Variants in GRM3 observed in about 807,000 individuals in gnomAD.
GRM3 encodes the protein metabotropic glutamate receptor 3.
GRM3 carries 26 observed loss-of-function variants against 70.5 expected under a neutral mutation model. That is an observed-to-expected ratio of 0.37 (90% CI 0.27 to 0.51). The LOEUF is 0.51. GRM3 is among the 20% of genes least tolerant of loss of function. The pLI is 0.93. For missense variants in GRM3, 859 were observed against 1,123.8 expected (o/e 0.76, Z 3.37); for synonymous variants, 443 against 434.9 (o/e 1.02, Z -0.23).
In GRM3 at chr7:86,822,879, G is replaced by A. The variant is rs189941877; in HGVS notation, c.1325-15960G>A. Among the ~76,000 whole-genome samples the A allele has an allele frequency of 8.5e-4, 129 of 152,240 alleles. No homozygotes were observed. In the Middle Eastern group the frequency reaches 0.02, roughly 24 times the overall value. On this transcript the variant is annotated intron_variant, in intron 3 of 5. Coordinates refer to ENST00000361669, the MANE Select transcript of GRM3 (RefSeq NM_000840.3). The stretch of plus-strand genomic sequence containing the variant: ...TAAGAACTAACCCCTATTCAGTAAC[G>A]AAGTTACTGTTTAGCTTTGTTAATC...
At chr7:86,805,758 T>G (rs766556509) in intron 3 of GRM3, among the ~76,000 whole-genome samples, 3 of 152,216 alleles carry the variant, frequency 2.0e-5, no homozygotes, top group Non-Finnish European at 4.4e-5. Flanking sequence ...TTTTTATTAT[T>G]ATGATTATAT....
chr7:86,653,292 G>A (rs992624762), intron 1 of GRM3, among the ~76,000 whole-genome samples: 3 of 152,130 alleles, frequency 2.0e-5, no homozygotes, highest in African/African-American at 4.8e-5. Flanking sequence ...CAATCACATC[G>A]GGAGCTAGGG....
chr7:86,730,665 A>G (rs533234558), intron 1 of GRM3, among the ~76,000 whole-genome samples: 1 of 152,274 alleles, frequency 6.6e-6, no homozygotes, highest in South Asian at 2.1e-4. Flanking sequence ...CTTTCTTCCA[A>G]CAGTTTTAGT....
intron 5 of GRM3, among the ~76,000 whole-genome samples, chr7:86,858,100 G>C (rs964165851): frequency 6.6e-6 from 1 of 152,070 alleles, no homozygotes; most frequent in East Asian, 1.9e-4. Context: ...GGGACTACAG[G>C]CACCCGCCAC....
At chr7:86,812,336 T>G (rs1288671039) in intron 3 of GRM3, among the ~76,000 whole-genome samples, 2 of 151,770 alleles carry the variant, frequency 1.3e-5, no homozygotes, top group Non-Finnish European at 3.0e-5. Flanking sequence ...GATTGCCTGA[T>G]ACAGTGTGGG....
chr7:86,696,088 A>G (rs538828759), intron 1 of GRM3, among the ~76,000 whole-genome samples: 15 of 152,278 alleles, frequency 9.9e-5, no homozygotes, highest in Admixed American at 9.1e-4. Context: ...CTGGCCTTCT[A>G]TTGCTTTCTA....
intron 3 of GRM3, among the ~76,000 whole-genome samples, chr7:86,820,939 C>G (rs567065660): frequency 2.1e-3 from 326 of 152,248 alleles, no homozygotes; most frequent in African/African-American, 7.4e-3. Flanking sequence ...GTCACAGGTT[C>G]TTTCTTTCTT....
intron 1 of GRM3, among the ~76,000 whole-genome samples, chr7:86,667,666 C>T (rs1199857141): frequency 6.6e-6 from 1 of 152,106 alleles, no homozygotes; most frequent in African/African-American, 2.4e-5. Context: ...CATAATAGGG[C>T]TAACAATCAT....
Position 86,761,337 on chromosome 7 carries a change from T to G in GRM3, c.-140-3669T>G, listed in dbSNP as rs191690364. Among the ~76,000 whole-genome samples, 286 of 152,212 alleles carry G rather than the reference T, an allele frequency of 1.9e-3. 1 individual carries two copies. Among genetic ancestry groups the G allele is most frequent in the Non-Finnish European group, 3.1e-3 (212 of 67,980 alleles). ...AAATGTAGGTCAGTTCAGGTCTACATCTCTCCTGGCTTCCTAGATGCCAGT... is the reference window on the plus strand; with the variant it reads ...AAATGTAGGTCAGTTCAGGTCTACAGCTCTCCTGGCTTCCTAGATGCCAGT... On this transcript the variant is annotated intron_variant, in intron 1 of 5. Coordinates refer to ENST00000361669, the MANE Select transcript of GRM3 (RefSeq NM_000840.3).
intron 1 of GRM3, among the ~76,000 whole-genome samples, chr7:86,669,333 A>T (rs1314425991): frequency 3.3e-5 from 5 of 152,174 alleles, no homozygotes; most frequent in Non-Finnish European, 7.4e-5. Context: ...TACACTAAGA[A>T]CTAGGGAAAG....
intron 1 of GRM3, among the ~76,000 whole-genome samples, chr7:86,659,161 A>G (rs576607898): frequency 9.2e-5 from 14 of 152,306 alleles, no homozygotes; most frequent in African/African-American, 3.4e-4. Context: ...GTTAATACTA[A>G]TTCCTACTAG....
intron 1 of GRM3, among the ~76,000 whole-genome samples, chr7:86,681,000 T>A (rs1449576879): frequency 6.6e-6 from 1 of 152,134 alleles, no homozygotes; most frequent in East Asian, 1.9e-4. Flanking sequence ...TATAGTTCAA[T>A]GTTCACATAT....
intron 3 of GRM3, among the ~76,000 whole-genome samples, chr7:86,833,881 G>C (rs1315472393): frequency 1.3e-5 from 2 of 151,928 alleles, no homozygotes; most frequent in Non-Finnish European, 2.9e-5. Flanking sequence ...TTATGTATTT[G>C]AAGGATGTAG....
chr7:86,694,135 C>T (rs998487808), intron 1 of GRM3, among the ~76,000 whole-genome samples: 2 of 152,094 alleles, frequency 1.3e-5, no homozygotes, highest in East Asian at 1.9e-4. Flanking sequence ...ATTTCCCTCA[C>T]TTAGATGCAT....
chr7:86,793,324 A>G (rs541231021), intron 3 of GRM3, among the ~76,000 whole-genome samples: 11 of 152,282 alleles, frequency 7.2e-5, no homozygotes, highest in South Asian at 2.1e-4. Context: ...CCAACCCAGC[A>G]AGGCTCTCCT....
At chr7:86,722,715 C>T (rs968210221) in intron 1 of GRM3, among the ~76,000 whole-genome samples, 3 of 151,908 alleles carry the variant, frequency 2.0e-5, no homozygotes, top group Non-Finnish European at 4.4e-5. Context: ...GTAACCTGCA[C>T]GTTCTGCAGA....
rs561815657 is a variant in GRM3 at position 86,644,692 on chromosome 7, A to G, written c.-321A>G. On this transcript the variant is annotated 5_prime_UTR_variant, in exon 1 of 6. Transcript: ENST00000361669. ...ACTGTGACAGGAAGCTGCGCGCACA[A>G]GTTGGCCATTTCGAGGGCAAAATAA... 3.4e-4 allele frequency: 266 copies of G among 791,152 alleles called. 1 individual carries two copies. The highest frequency in any genetic ancestry group is 1.6e-3 in the Middle Eastern group (6 of 3,762). 49.0% of individuals were successfully genotyped at this position (791,152 alleles called of 1,614,324 possible). A position where few individuals can be genotyped will look rare whatever the true frequency, so the allele number is the denominator to read the frequency against.
chr7:86,712,100 C>A (rs1795212861), intron 1 of GRM3, among the ~76,000 whole-genome samples: 1 of 152,066 alleles, frequency 6.6e-6, no homozygotes, highest in Admixed American at 6.6e-5. Context: ...CTTAACTTCT[C>A]TCTCTCCTCA....
At chr7:86,832,514 A>G (rs1474352074) in intron 3 of GRM3, among the ~76,000 whole-genome samples, 1 of 151,914 alleles carries the variant, frequency 6.6e-6, no homozygotes, top group African/African-American at 2.4e-5. Flanking sequence ...GCCTCCCAAA[A>G]TGCTGGGATT....
Sources: allele counts gnomAD v4.1 joint callset (sites outside exome capture counted in the v4.1 genomes callset), GRCh38; gene constraint gnomAD v4.1.1; transcripts MANE v1.5; gene names NCBI Gene and HGNC (gene_info 2026-07-23, HGNC 2026-07-21).